The following FRMPD4 variants were observed in gnomAD, a reference collection of about 807,000 sequenced individuals.
FRMPD4 encodes the protein FERM and PDZ domain containing 4.
In FRMPD4, 22 loss-of-function variants were observed where a neutral mutation model predicts 94.1. The observed-to-expected ratio is 0.23, with a 90% confidence interval of 0.17 to 0.33. FRMPD4 has a LOEUF of 0.33. Among genes scored for constraint, FRMPD4 ranks in the 10% least tolerant of loss-of-function variants. FRMPD4 has a pLI of 1.00. For synonymous variants in FRMPD4, 631 were observed against 548.6 expected (o/e 1.15, Z -2.10); for missense variants, 1,111 against 1,339.9 (o/e 0.83, Z 2.67).
intron 3 of FRMPD4, among the ~76,000 whole-genome samples, chrX:12,131,972 A>C (rs1323992397): frequency 8.9e-6 from 1 of 112,226 alleles, no homozygotes; most frequent in Non-Finnish European, 1.9e-5. Context: ...CTTTAAAACC[A>C]ACTTCTCTGG....
At chrX:12,379,140 A>C (rs977394016) in intron 1 of FRMPD4, among the ~76,000 whole-genome samples, 1 of 112,230 alleles carries the variant, frequency 8.9e-6, no homozygotes, top group Non-Finnish European at 1.9e-5. Flanking sequence ...CTCTAAGTTA[A>C]AACATGTCAA....
intron 1 of FRMPD4, among the ~76,000 whole-genome samples, chrX:12,379,212 AAATCAAGACTCTCTG>A (rs1160285188): frequency 8.9e-6 from 1 of 112,449 alleles, no homozygotes; most frequent in Non-Finnish European, 1.9e-5. Context: ...TGTTAGGTTT[AAATCAAGACTCTCTG>A]AAGCAAGCAA....
intron 2 of FRMPD4, among the ~76,000 whole-genome samples, chrX:12,589,007 T>C (rs749402659): frequency 8.9e-6 from 1 of 112,348 alleles, no homozygotes; most frequent in African/African-American, 3.2e-5. Context: ...TTATCTTCAG[T>C]TTTTATAGAA....
At chrX:11,995,341 A>T (rs1265963220) in intron 3 of FRMPD4, among the ~76,000 whole-genome samples, 1 of 110,643 alleles carries the variant, frequency 9.0e-6, no homozygotes, top group Non-Finnish European at 1.9e-5. Flanking sequence ...GCATCTTATT[A>T]TTTTTTTTCA....
intron 1 of FRMPD4, among the ~76,000 whole-genome samples, chrX:12,153,706 T>C (rs2055895024): frequency 8.9e-6 from 1 of 112,610 alleles, no homozygotes; most frequent in Admixed American, 9.4e-5. Context: ...TGGACATAAT[T>C]CATAGTTTTA....
rs180901308 is a variant in FRMPD4, at chrX:12,704,311, A to G, written c.1071-48A>G. ...TCAGAGCACCATTTTGTCTTAGATA[A>G]CTCATCATCACAGAAATGTGAAATT... On this transcript the variant is annotated intron_variant, in intron 10 of 16. Coordinates refer to ENST00000675598, the MANE Select transcript of FRMPD4 (RefSeq NM_001368397.1). 6.8e-4 allele frequency: 687 copies of G among 1,016,396 alleles called. 1 individual carries two copies. Among genetic ancestry groups the G allele is most frequent in the Non-Finnish European group, 8.6e-4 (646 of 750,496 alleles). 83.8% of individuals were successfully genotyped at this position (1,016,396 alleles called of 1,213,427 possible). A position where few individuals can be genotyped will look rare whatever the true frequency, so the allele number is the denominator to read the frequency against.
intron 9 of FRMPD4, among the ~76,000 whole-genome samples, chrX:12,697,694 A>T (rs928973936): frequency 8.9e-6 from 1 of 112,067 alleles, no homozygotes; most frequent in Non-Finnish European, 1.9e-5. Flanking sequence ...TGTTTTATAC[A>T]TGTGAGACTG....
chrX:11,887,361 C>T (rs2053851300), intron 3 of FRMPD4, among the ~76,000 whole-genome samples: 1 of 111,328 alleles, frequency 9.0e-6, no homozygotes. Context: ...CACAGACAAC[C>T]TGCAGGCACC....
intron 1 of FRMPD4, among the ~76,000 whole-genome samples, chrX:12,171,417 T>G (rs751088157): frequency 8.9e-6 from 1 of 112,319 alleles, no homozygotes; most frequent in South Asian, 3.7e-4. Flanking sequence ...TTTCTCATCC[T>G]TTGCTTTTCT....
At chrX:12,171,122 A>T (rs2056213615) in intron 1 of FRMPD4, among the ~76,000 whole-genome samples, 1 of 112,401 alleles carries the variant, frequency 8.9e-6, no homozygotes, top group South Asian at 3.7e-4. Flanking sequence ...CCCTGGTCAT[A>T]AGAATCTGTA....
At chrX:11,914,202 G>A (rs1226153055) in intron 3 of FRMPD4, among the ~76,000 whole-genome samples, 1 of 111,320 alleles carries the variant, frequency 9.0e-6, no homozygotes, top group African/African-American at 3.3e-5. Flanking sequence ...CAAATTGATG[G>A]CATATTGCAT....
At chrX:12,309,366 TAAA>T (rs762254895) in intron 1 of FRMPD4, among the ~76,000 whole-genome samples, 1 of 108,929 alleles carries the variant, frequency 9.2e-6, no homozygotes, top group Non-Finnish European at 1.9e-5. Context: ...TTAAAAAAAA[TAAA>T]AAAAAAGTCT....
At position 12,718,661 on chromosome X, in the gene FRMPD4, C is replaced by T; in HGVS notation, c.3835C>T (p.His1279Tyr). 8.3e-7 allele frequency: 1 copy of T among 1,207,111 alleles called. No individual in the cohort carries two copies. Among genetic ancestry groups the T allele is most frequent in the Non-Finnish European group, 1.1e-6 (1 of 891,122 alleles). The change falls in exon 16 of 17, where the codon CAC becomes TAC. Residue 1279 changes from histidine (H) to tyrosine (Y), a missense_variant. By Grantham distance (83) the His-to-Tyr change is moderately conservative (BLOSUM62 2). Around this residue, in one of 8 missense-constraint regions of FRMPD4, gnomAD observed 551 missense variants for 591.6 expected, o/e 0.93. Coordinates refer to ENST00000675598, the MANE Select transcript of FRMPD4 (RefSeq NM_001368397.1). Reference protein sequence around the residue: ...PNHGATFKELHPQTEGMCPRM... With the variant: ...PNHGATFKELYPQTEGMCPRM... ...CCACGGAGCCACCTTTAAGGAACTG[C>T]ACCCACAGACAGAAGGGATGTGTCC... is the stretch of plus-strand genomic sequence containing the variant.
intron 3 of FRMPD4, among the ~76,000 whole-genome samples, chrX:11,947,034 A>G (rs778353206): frequency 9.0e-5 from 10 of 111,184 alleles, no homozygotes; most frequent in Non-Finnish European, 3.8e-5. Context: ...AACATATCCC[A>G]TTGGTTCTGT....
intron 3 of FRMPD4, among the ~76,000 whole-genome samples, chrX:11,899,603 A>T: frequency 8.9e-6 from 1 of 111,874 alleles, no homozygotes; most frequent in East Asian, 2.8e-4. Context: ...GGAGTTTTGA[A>T]TATAAGGACA....
At chrX:11,876,354 ATT>A (rs200664583) in intron 2 of FRMPD4, among the ~76,000 whole-genome samples, 7 of 97,955 alleles carry the variant, frequency 7.1e-5, no homozygotes, top group Non-Finnish European at 1.3e-4. Context: ...TTTTTTCCTC[ATT>A]TTTTTTTTTT....
At chrX:12,287,547 G>C (rs1343636374) in intron 1 of FRMPD4, among the ~76,000 whole-genome samples, 2 of 111,463 alleles carry the variant, frequency 1.8e-5, no homozygotes, top group African/African-American at 6.5e-5. Context: ...GGATGGAGTG[G>C]GCTTTAAGAA....
At chrX:12,299,278 TAGG>T (rs977013655) in intron 1 of FRMPD4, among the ~76,000 whole-genome samples, 1 of 104,601 alleles carries the variant, frequency 9.6e-6, no homozygotes, top group African/African-American at 3.6e-5. Flanking sequence ...GGAAGAGAAG[TAGG>T]AGGAGGAGGT....
chrX:12,058,506 G>A (rs1337147498), intron 3 of FRMPD4, among the ~76,000 whole-genome samples: 1 of 110,899 alleles, frequency 9.0e-6, no homozygotes, highest in African/African-American at 3.3e-5. Flanking sequence ...ATGGCTTTAA[G>A]CTCATTGCAA....
Sources: allele counts gnomAD v4.1 joint callset (sites outside exome capture counted in the v4.1 genomes callset), GRCh38; gene constraint gnomAD v4.1.1; regional missense constraint gnomAD v4.1.1; transcripts MANE v1.5; gene names NCBI Gene and HGNC (gene_info 2026-07-23, HGNC 2026-07-21).